The following GPC5 variants were observed in gnomAD, a reference collection of about 807,000 sequenced individuals.
The protein encoded by GPC5 is glypican 5, also known as glypican-5.
Under a neutral mutation model 53.9 loss-of-function variants are expected in GPC5, and 47 were observed. The ratio of observed to expected loss-of-function variants is 0.87; its 90% CI spans 0.69 to 1.11. GPC5 has a LOEUF of 1.11. Ranked by LOEUF, GPC5 falls within the 50% of genes most tolerant of loss-of-function variation. The probability of loss-of-function intolerance (pLI) is 0.00; values close to 1 mark genes in which losing one functional copy is unlikely to be tolerated. For missense variants in GPC5, 748 were observed against 713.1 expected (o/e 1.05, Z -0.56); for synonymous variants, 286 against 263.3 (o/e 1.09, Z -0.84).
chr13:92,743,285 T>C (rs1306996157), intron 7 of GPC5, among the ~76,000 whole-genome samples: 4 of 152,168 alleles, frequency 2.6e-5, no homozygotes, highest in Non-Finnish European at 5.9e-5. Flanking sequence ...TAGTTCTCCT[T>C]GAAGAGGTCC....
chr13:91,406,593 G>A (rs995741686), intron 1 of GPC5, among the ~76,000 whole-genome samples: 1 of 152,118 alleles, frequency 6.6e-6, no homozygotes, highest in African/African-American at 2.4e-5. Flanking sequence ...TAAACTCTGG[G>A]ACACTAAAAG....
intron 2 of GPC5, among the ~76,000 whole-genome samples, chr13:91,454,441 C>T (rs533336373): frequency 6.6e-6 from 1 of 152,078 alleles, no homozygotes; most frequent in Non-Finnish European, 1.5e-5. Context: ...ATCTTGCAAG[C>T]ACAGTAATTT....
At chr13:92,522,383 A>G (rs534628349) in intron 7 of GPC5, among the ~76,000 whole-genome samples, 31 of 152,220 alleles carry the variant, frequency 2.0e-4, no homozygotes, top group African/African-American at 7.5e-4. Context: ...GTCCATCAAT[A>G]ATAGACTGGA....
intron 7 of GPC5, among the ~76,000 whole-genome samples, chr13:92,524,469 T>C (rs2138974501): frequency 6.6e-6 from 1 of 152,240 alleles, no homozygotes. Context: ...ATTTTCAGTA[T>C]ATGGTTGGTT....
At chr13:91,596,288 G>A (rs2032991865) in intron 2 of GPC5, among the ~76,000 whole-genome samples, 1 of 152,010 alleles carries the variant, frequency 6.6e-6, no homozygotes, top group Admixed American at 6.6e-5. Context: ...ATTGAGTCTT[G>A]TTTTTTATCC....
chr13:92,171,522 A>AT (rs2042070661), intron 7 of GPC5, among the ~76,000 whole-genome samples: 1 of 151,906 alleles, frequency 6.6e-6, no homozygotes, highest in African/African-American at 2.4e-5. Context: ...TCCTCAATCC[A>AT]TTTCCCCTTC....
At chr13:92,121,320 A>G (rs2041647324) in intron 6 of GPC5, among the ~76,000 whole-genome samples, 1 of 152,134 alleles carries the variant, frequency 6.6e-6, no homozygotes, top group Admixed American at 6.5e-5. Flanking sequence ...TCAGGTCTGC[A>G]TCTCTGTTCA....
intron 7 of GPC5, among the ~76,000 whole-genome samples, chr13:92,436,519 C>A (rs113650723): frequency 0.018 from 2,680 of 152,250 alleles, 81 homozygotes; most frequent in African/African-American, 0.059. Flanking sequence ...CCAATTCCAT[C>A]TCTTGCTTTC....
intron 7 of GPC5, among the ~76,000 whole-genome samples, chr13:92,539,473 A>C (rs964273395): frequency 1.3e-5 from 2 of 152,104 alleles, no homozygotes; most frequent in South Asian, 4.1e-4. Flanking sequence ...TCTTCTTTTG[A>C]AAAGTGTCTG....
intron 1 of GPC5, among the ~76,000 whole-genome samples, chr13:91,411,646 T>A (rs1877801188): frequency 6.6e-6 from 1 of 152,222 alleles, no homozygotes; most frequent in Admixed American, 6.5e-5. Flanking sequence ...TGAATCCTTA[T>A]AACTACTTTC....
chr13:92,294,816 T>TC (rs71120091), intron 7 of GPC5, among the ~76,000 whole-genome samples: 5 of 123,670 alleles, frequency 4.0e-5, no homozygotes, highest in South Asian at 2.3e-4. Flanking sequence ...TTTCTTTCTT[T>TC]TTTTTTTTTC....
intron 2 of GPC5, among the ~76,000 whole-genome samples, chr13:91,676,082 G>T (rs1456952512): frequency 6.6e-6 from 1 of 152,006 alleles, no homozygotes; most frequent in African/African-American, 2.4e-5. Flanking sequence ...GTTTGTTTTT[G>T]TTTTTTGAGA....
At chr13:92,484,298 GA>G (rs529614160) in intron 7 of GPC5, among the ~76,000 whole-genome samples, 169 of 152,252 alleles carry the variant, frequency 1.1e-3, no homozygotes, top group Middle Eastern at 3.4e-3. Flanking sequence ...AATAACTTCT[GA>G]AGGATCTGTC....
At chr13:92,786,280 C>T (rs374271313) in intron 7 of GPC5, among the ~76,000 whole-genome samples, 5 of 152,124 alleles carry the variant, frequency 3.3e-5, no homozygotes, top group African/African-American at 9.6e-5. Flanking sequence ...TGAATTGCAG[C>T]GGTTTTGCGA....
intron 6 of GPC5, among the ~76,000 whole-genome samples, chr13:91,920,906 ATCTCTC>A (rs760550410): frequency 5.2e-4 from 33 of 63,162 alleles, no homozygotes; most frequent in African/African-American, 1.1e-3. Flanking sequence ...CTTTTTTTAA[ATCTCTC>A]TCTCTCTCTC....
Position 92,296,999 on chromosome 13 carries a change from C to T in GPC5, c.1561+152010C>T, listed in dbSNP as rs190728574. The stretch of plus-strand genomic sequence containing the variant: ...CGAGCCTCCCCGACGAGCACCACCC[C>T]CTGCTCCATGGCACCCAGTCCCATT... On this transcript the variant is annotated intron_variant, in intron 7 of 7. Transcript: ENST00000377067. Among the ~76,000 whole-genome samples, 14 of 152,366 alleles carry T rather than the reference C, an allele frequency of 9.2e-5. No homozygotes were observed. In the East Asian group the frequency reaches 2.7e-3, roughly 30 times the overall value.
Position 91,555,444 on chromosome 13 carries a change from A to T in GPC5, c.325+106522A>T, listed in dbSNP as rs143915080. Among the ~76,000 whole-genome samples the T allele has an allele frequency of 4.7e-3, 292 of 61,714 alleles. 3 individuals carry two copies. In the East Asian group the frequency reaches 0.11, roughly 23 times the overall value. The allele number at this position is 61,714 out of a possible 152,430, so 40.5% of individuals were successfully genotyped here. A position where few individuals can be genotyped will look rare whatever the true frequency, so the allele number is the denominator to read the frequency against. ...ACGTGTTTTACCAGAAAAGCTCACTATATAGAAGGATGTTTTCTGGGGGCG... is the reference window on the plus strand; with the variant it reads ...ACGTGTTTTACCAGAAAAGCTCACTTTATAGAAGGATGTTTTCTGGGGGCG... On this transcript the variant is annotated intron_variant, in intron 2 of 7. Coordinates refer to ENST00000377067, the MANE Select transcript of GPC5 (RefSeq NM_004466.6).
chr13:92,843,180 T>A (rs1304337164), intron 7 of GPC5, among the ~76,000 whole-genome samples: 1 of 152,154 alleles, frequency 6.6e-6, no homozygotes, highest in Non-Finnish European at 1.5e-5. Flanking sequence ...AAACACAGCC[T>A]ATATATTCCT....
chr13:91,843,988 A>G (rs1035552781), intron 5 of GPC5, among the ~76,000 whole-genome samples: 1 of 152,126 alleles, frequency 6.6e-6, no homozygotes, highest in African/African-American at 2.4e-5. Context: ...GGGTCTGTGA[A>G]CAAAACTATT....
Sources: allele counts gnomAD v4.1 joint callset (sites outside exome capture counted in the v4.1 genomes callset), GRCh38; gene constraint gnomAD v4.1.1; transcripts MANE v1.5; gene names NCBI Gene and HGNC (gene_info 2026-07-23, HGNC 2026-07-21).